PFKFB4: variants seen among roughly 807,000 people sequenced by gnomAD.
The protein encoded by PFKFB4 is 6-phosphofructo-2-kinase/fructose-2,6-biphosphatase 4.
PFKFB4 carries 42 observed loss-of-function variants against 62.8 expected under a neutral mutation model. The observed-to-expected ratio is 0.67, with a 90% CI of 0.52 to 0.86. PFKFB4 has a LOEUF of 0.86. Ranked by LOEUF, PFKFB4 falls within the 40% of genes least tolerant of loss-of-function variation. The probability of loss-of-function intolerance (pLI) is 0.00; values close to 1 mark genes in which losing one functional copy is unlikely to be tolerated. For synonymous variants in PFKFB4, 204 were observed against 240.7 expected, an observed-to-expected ratio of 0.85 and a Z score of 1.41; for missense variants, 475 against 627.2, an observed-to-expected ratio of 0.76 and a Z score of 2.59.
chr3:48,536,756 T>C, intron 7 of PFKFB4: 1 of 404,786 alleles, frequency 2.5e-6, no homozygotes. Flanking sequence ...ACATCATGAC[T>C]TTCTCCGCTG....
chr3:48,558,136 C>T (rs1459136625), upstream of PFKFB4, among the ~76,000 whole-genome samples: 1 of 152,202 alleles, frequency 6.6e-6, no homozygotes, highest in African/African-American at 2.4e-5. Context: ...GTATCTCCCT[C>T]TTGTCTTTGA....
At chr3:48,549,470 T>TGAGC (rs1452246272) in intron 3 of PFKFB4, among the ~76,000 whole-genome samples, 4 of 151,892 alleles carry the variant, frequency 2.6e-5, no homozygotes, top group Admixed American at 6.5e-5. Context: ...GGCGCTGGGG[T>TGAGC]GAGCGAGCGT....
intron 1 of PFKFB4, among the ~76,000 whole-genome samples, chr3:48,554,816 C>T (rs2043262275): frequency 6.6e-6 from 1 of 152,118 alleles, no homozygotes; most frequent in South Asian, 2.1e-4. Context: ...CTTTGGGAGG[C>T]CAAGGGGGGC....
chr3:48,539,423 C>T (rs983195089), intron 5 of PFKFB4, 113 bp from the exon 6 acceptor site: 22 of 944,716 alleles, frequency 2.3e-5, no homozygotes, highest in South Asian at 2.7e-5. Context: ...TGCTGACAAG[C>T]AGCCAGGCCC....
At chr3:48,562,776 T>C (rs746799381), upstream of PFKFB4, 47 of 1,536,580 alleles carry the variant, frequency 3.1e-5, no homozygotes, top group Non-Finnish European at 4.0e-5. The surrounding 1 kb of genome is among the most constrained non-coding windows in gnomAD (Gnocchi z 4.3). Flanking sequence ...TGTGACCCCC[T>C]CTCTCAGGCT....
chr3:48,540,084 C>T (rs933181607), intron 4 of PFKFB4, among the ~76,000 whole-genome samples: 1 of 152,226 alleles, frequency 6.6e-6, no homozygotes, highest in Non-Finnish European at 1.5e-5. Flanking sequence ...AGTGGGCACT[C>T]AGTTTGTGTT....
intron 1 of PFKFB4, among the ~76,000 whole-genome samples, chr3:48,555,796 C>T (rs889035044): frequency 2.6e-5 from 4 of 151,856 alleles, no homozygotes; most frequent in Non-Finnish European, 5.9e-5. Context: ...CCCAGCTAAT[C>T]GGGAGGTTGA....
upstream of PFKFB4, chr3:48,561,284 C>A (rs995310967): frequency 1.4e-5 from 4 of 282,848 alleles, no homozygotes; most frequent in Non-Finnish European, 2.8e-5. This position sits in a 1 kb window ranked among gnomAD's most constrained non-coding sequence, Gnocchi z 5.2. Flanking sequence ...GAGGGCAGCG[C>A]CAGTGCCCCC....
intron 10 of PFKFB4, among the ~76,000 whole-genome samples, chr3:48,525,055 G>A (rs946354091): frequency 5.9e-5 from 9 of 152,118 alleles, no homozygotes; most frequent in Non-Finnish European, 1.5e-5. Context: ...GGAAGGATGA[G>A]GCCCGAGACA....
intron 9 of PFKFB4, among the ~76,000 whole-genome samples, chr3:48,527,427 T>C (rs2107479487): frequency 6.6e-6 from 1 of 151,864 alleles, no homozygotes; most frequent in Admixed American, 6.6e-5. Context: ...ACTACAGGTG[T>C]GCGCCACCAC....
At chr3:48,539,911 C>A (rs1239585248) in intron 4 of PFKFB4, 140 bp from the exon 5 acceptor site, 2 of 685,694 alleles carry the variant, frequency 2.9e-6, no homozygotes, top group East Asian at 2.7e-5. Flanking sequence ...GCTGCCAGGT[C>A]CACCTGCCTG....
intron 9 of PFKFB4, among the ~76,000 whole-genome samples, chr3:48,526,321 C>A (rs181379664): frequency 7.9e-5 from 12 of 152,052 alleles, no homozygotes; most frequent in East Asian, 7.7e-4. Flanking sequence ...GCCTGTAATC[C>A]CAGCACTTTG....
At chr3:48,522,155 A>G (rs2042116847) in intron 12 of PFKFB4, 105 bp from the exon 13 acceptor site, 1 of 953,560 alleles carries the variant, frequency 1.0e-6, no homozygotes, top group African/African-American at 1.6e-5. Context: ...GGAATGGAGC[A>G]GCCATCTCAG....
intron 3 of PFKFB4, among the ~76,000 whole-genome samples, chr3:48,545,790 A>G (rs1206959553): frequency 2.0e-5 from 3 of 152,134 alleles, no homozygotes; most frequent in Non-Finnish European, 4.4e-5. Context: ...CTGTGCCCCA[A>G]TGGGTCTTCC....
At chr3:48,524,860 A>AC (rs528570381) in intron 10 of PFKFB4, among the ~76,000 whole-genome samples, 159 of 152,158 alleles carry the variant, frequency 1.0e-3, no homozygotes, top group Admixed American at 2.6e-3. Flanking sequence ...GTCAAAGGTG[A>AC]CCCTCAGTTT....
intron 1 of PFKFB4, among the ~76,000 whole-genome samples, chr3:48,554,708 G>C (rs1194914521): frequency 6.6e-6 from 1 of 152,194 alleles, no homozygotes; most frequent in Non-Finnish European, 1.5e-5. Flanking sequence ...AAGAATGGTA[G>C]TGATGACAGA....
upstream of PFKFB4, among the ~76,000 whole-genome samples, chr3:48,557,388 T>G (rs572675552): frequency 2.6e-5 from 4 of 152,310 alleles, no homozygotes; most frequent in Non-Finnish European, 5.9e-5. Context: ...GGGGTCCCCC[T>G]TGACTGCTCC....
intron 3 of PFKFB4, among the ~76,000 whole-genome samples, chr3:48,545,278 T>A (rs2042927600): frequency 6.6e-6 from 1 of 152,112 alleles, no homozygotes; most frequent in East Asian, 1.9e-4. Context: ...ATTACAGGCA[T>A]GTGCCACCAC....
At chr3:48,545,181 G>A (rs1483717041) in intron 3 of PFKFB4, among the ~76,000 whole-genome samples, 1 of 152,094 alleles carries the variant, frequency 6.6e-6, no homozygotes, top group Non-Finnish European at 1.5e-5. Flanking sequence ...GCCCAGGCTG[G>A]AGTGCAGTGG....
Sources: gnomAD v4.1 joint callset for allele counts (sites outside exome capture counted in the v4.1 genomes callset) on GRCh38, gnomAD v4.1.1 for gene constraint, Gnocchi (gnomAD v3.1) non-coding constraint, MANE v1.5 for transcripts, NCBI Gene and HGNC (gene_info 2026-07-23, HGNC 2026-07-21) for gene names.